The following NTRK3 variants were observed in gnomAD, a reference collection of about 807,000 sequenced individuals.
NTRK3 encodes neurotrophic receptor tyrosine kinase 3.
NTRK3 carries 24 observed loss-of-function variants against 91.7 expected under a neutral mutation model. The observed-to-expected ratio is 0.26, with a 90% CI of 0.19 to 0.37. The LOEUF is 0.37. Among genes scored for constraint, NTRK3 ranks in the 10% least tolerant of loss-of-function variants. NTRK3 has a pLI of 1.00. For missense variants in NTRK3, 880 were observed against 1,068.9 expected (o/e 0.82, Z 2.46); for synonymous variants, 483 against 404.0 (o/e 1.20, Z -2.34).
chr15:88,213,428 C>T (rs183139034), intron 3 of NTRK3, among the ~76,000 whole-genome samples: 98 of 152,320 alleles, frequency 6.4e-4, no homozygotes, highest in African/African-American at 2.1e-3. Flanking sequence ...GCTGCCCACA[C>T]GTGTCCACTT....
At chr15:87,863,214 C>G (rs1315289858) in exon 19 of NTRK3, 1 of 227,798 alleles carries the variant, frequency 4.4e-6, no homozygotes, top group East Asian at 6.2e-5. Context: ...GACAGCTAAG[C>G]TAGGCTTGGT....
At chr15:88,136,516 G>C (rs1337891089) in exon 8 of NTRK3, 1 of 1,614,152 alleles carries the variant, frequency 6.2e-7, no homozygotes, top group Non-Finnish European at 8.5e-7. Context: ...GTCCACATCA[G>C]GAAGGGGTGA....
rs16941321 is a variant in NTRK3, at chr15:88,127,527, T to G, written c.1229-301A>C. 0.33 allele frequency among the ~76,000 whole-genome samples: 50,337 copies of G among 152,076 alleles called. 8,905 individuals are homozygous for G. Among genetic ancestry groups the G allele is most frequent in the African/African-American group, 0.46 (19,048 of 41,492 alleles). Reference sequence around the variant, plus strand: ...AGAAAATAACATAACCTGGGCAACTTGGGCCATGAGCTATAGAACAGAAAA... The same window carrying G: ...AGAAAATAACATAACCTGGGCAACTGGGGCCATGAGCTATAGAACAGAAAA... On this transcript the variant is annotated intron_variant, in intron 11 of 18. Transcript: ENST00000394480.
chr15:87,949,238 A>C (rs927926271), intron 14 of NTRK3, among the ~76,000 whole-genome samples: 2 of 152,136 alleles, frequency 1.3e-5, no homozygotes, highest in Non-Finnish European at 2.9e-5. Flanking sequence ...GAACAGACTT[A>C]TTTATGTCCT....
chr15:88,174,197 T>C (rs2045785949), intron 5 of NTRK3, among the ~76,000 whole-genome samples: 1 of 152,134 alleles, frequency 6.6e-6, no homozygotes, highest in Non-Finnish European at 1.5e-5. Flanking sequence ...AGGAAGAATT[T>C]CCCAAAATGC....
At chr15:88,046,135 T>C (rs1392290639) in intron 13 of NTRK3, among the ~76,000 whole-genome samples, 5 of 152,172 alleles carry the variant, frequency 3.3e-5, no homozygotes, top group Non-Finnish European at 7.3e-5. Context: ...TGGTGATAGA[T>C]GTGGAGGAAT....
chr15:87,923,893 G>A (rs2141861437), intron 17 of NTRK3, among the ~76,000 whole-genome samples: 1 of 152,210 alleles, frequency 6.6e-6, no homozygotes, highest in South Asian at 2.1e-4. Flanking sequence ...GCCATGTGAT[G>A]TCTTCTGCCA....
At chr15:88,093,314 A>G (rs1353077937) in intron 13 of NTRK3, among the ~76,000 whole-genome samples, 2 of 151,910 alleles carry the variant, frequency 1.3e-5, no homozygotes, top group African/African-American at 4.8e-5. Context: ...GGGAGGGGGG[A>G]AGGAAGAAAG....
chr15:88,173,492 C>T (rs540133683), intron 5 of NTRK3, among the ~76,000 whole-genome samples: 4 of 152,322 alleles, frequency 2.6e-5, no homozygotes, highest in East Asian at 3.9e-4. Context: ...TCCACCTGCT[C>T]GATCATCAGG....
At chr15:88,168,301 A>G (rs1317483307) in intron 5 of NTRK3, among the ~76,000 whole-genome samples, 1 of 151,876 alleles carries the variant, frequency 6.6e-6, no homozygotes, top group Non-Finnish European at 1.5e-5. Context: ...GGTCTTCCAG[A>G]GATTTCTGAG....
At chr15:88,254,198 A>G (rs1407374626) in intron 3 of NTRK3, among the ~76,000 whole-genome samples, 1 of 151,964 alleles carries the variant, frequency 6.6e-6, no homozygotes, top group Non-Finnish European at 1.5e-5. Flanking sequence ...CCTACTACCC[A>G]CATCCACCCC....
chr15:88,026,958 C>G (rs1279913342), intron 14 of NTRK3, among the ~76,000 whole-genome samples: 2 of 152,202 alleles, frequency 1.3e-5, no homozygotes, highest in African/African-American at 2.4e-5. Flanking sequence ...AGCCTCATGA[C>G]TTCAGAGGCC....
At chr15:87,885,029 C>T (rs11636660) in intron 17 of NTRK3, among the ~76,000 whole-genome samples, 76,636 of 151,604 alleles carry the variant, frequency 0.51, 21,720 homozygotes, top group Non-Finnish European at 0.64. Flanking sequence ...AGACAATTAA[C>T]GAAAAAGCAG....
rs1029235001 is a variant in NTRK3 at position 88,240,492 on chromosome 15, C to T, written c.248+15414G>A. On this transcript the variant is annotated intron_variant, in intron 3 of 18. Transcript: ENST00000394480. The surrounding 1 kb of genome is among the most constrained non-coding windows in gnomAD (Gnocchi z 4.9). ...CCTTCTACCCCACCCTCCTTACCACCAAAACAGCACGTCATGTGTCCTGTC... is the reference window on the plus strand; with the variant it reads ...CCTTCTACCCCACCCTCCTTACCACTAAAACAGCACGTCATGTGTCCTGTC... Among the ~76,000 whole-genome samples, 19 of 152,304 alleles carry T rather than the reference C, an allele frequency of 1.2e-4. No homozygotes were observed. Among genetic ancestry groups the T allele is most frequent in the African/African-American group, 4.6e-4 (19 of 41,568 alleles).
At chr15:87,983,662 T>A (rs1468595155) in intron 14 of NTRK3, among the ~76,000 whole-genome samples, 1 of 152,198 alleles carries the variant, frequency 6.6e-6, no homozygotes, top group Non-Finnish European at 1.5e-5. Flanking sequence ...AGTCTAAATT[T>A]GAATCCAGCT....
chr15:88,034,347 A>G (rs1261220073), intron 13 of NTRK3, among the ~76,000 whole-genome samples: 10 of 152,208 alleles, frequency 6.6e-5, no homozygotes, highest in Admixed American at 6.5e-4. Context: ...TTTCTAACCC[A>G]AAGAAGAAAT....
intron 10 of NTRK3, among the ~76,000 whole-genome samples, chr15:88,131,501 A>T (rs1332975009): frequency 6.6e-6 from 1 of 152,200 alleles, no homozygotes; most frequent in East Asian, 1.9e-4. Context: ...CTTCGTGCCA[A>T]CACCCTCTTC....
chr15:87,875,639 G>A (rs1286712439), exon 19 of NTRK3: 2 of 232,768 alleles, frequency 8.6e-6, no homozygotes, highest in Non-Finnish European at 1.7e-5. Flanking sequence ...ATCCTCCCAG[G>A]GGCTGGAAAC....
At chr15:88,077,435 C>T (rs946076952) in intron 13 of NTRK3, among the ~76,000 whole-genome samples, 4 of 152,164 alleles carry the variant, frequency 2.6e-5, no homozygotes, top group East Asian at 1.9e-4. Context: ...CCCCCACCCT[C>T]GCCCTCACCC....
Sources: gnomAD v4.1 joint callset for allele counts (sites outside exome capture counted in the v4.1 genomes callset) on GRCh38, gnomAD v4.1.1 for gene constraint, Gnocchi (gnomAD v3.1) non-coding constraint, MANE v1.5 for transcripts, NCBI Gene and HGNC (gene_info 2026-07-23, HGNC 2026-07-21) for gene names.